MTUS2: variants seen among roughly 807,000 people sequenced by gnomAD.
The protein encoded by MTUS2 is microtubule associated scaffold protein 2.
A neutral mutation model predicts 114.1 loss-of-function variants in MTUS2; 40 were observed. That is an observed-to-expected ratio of 0.35 (90% confidence interval 0.27 to 0.46). The LOEUF is 0.46. MTUS2 is among the 20% of genes least tolerant of loss of function. The pLI is 1.00. For missense variants in MTUS2, 1,679 were observed against 1,705.4 expected (o/e 0.98, Z 0.27); for synonymous variants, 688 against 672.0 (o/e 1.02, Z -0.37).
At chr13:29,358,195 C>T (rs887981381) in intron 7 of MTUS2, among the ~76,000 whole-genome samples, 5 of 152,126 alleles carry the variant, frequency 3.3e-5, no homozygotes, top group Admixed American at 6.5e-5. Flanking sequence ...AGGGGTTCTC[C>T]GACCGCCTGC....
intron 5 of MTUS2, among the ~76,000 whole-genome samples, chr13:29,164,574 G>A (rs974788058): frequency 6.6e-6 from 1 of 152,116 alleles, no homozygotes; most frequent in Non-Finnish European, 1.5e-5. Context: ...ATAATTTGAG[G>A]TATTCTGATC....
At chr13:29,043,590 A>T (rs2475543) in intron 4 of MTUS2, among the ~76,000 whole-genome samples, 2 of 151,752 alleles carry the variant, frequency 1.3e-5, no homozygotes, top group Non-Finnish European at 2.9e-5. Flanking sequence ...TTTAGTTTTA[A>T]TAGTAATTAT....
chr13:29,069,905 A>G (rs1255970159), intron 4 of MTUS2, among the ~76,000 whole-genome samples: 2 of 152,208 alleles, frequency 1.3e-5, no homozygotes, highest in Non-Finnish European at 2.9e-5. Context: ...TGTCCTGTTT[A>G]TCATTGTATA....
chr13:29,481,371 C>G (rs928832973), intron 10 of MTUS2, among the ~76,000 whole-genome samples: 3 of 152,176 alleles, frequency 2.0e-5, no homozygotes, highest in Middle Eastern at 3.4e-3. Context: ...CCCACCACCA[C>G]CCCCGCTTCC....
intron 5 of MTUS2, among the ~76,000 whole-genome samples, chr13:29,253,812 C>T (rs1413190379): frequency 1.3e-5 from 2 of 151,018 alleles, no homozygotes; most frequent in Non-Finnish European, 2.9e-5. Flanking sequence ...TCACATCTTA[C>T]GTGGATGGCA....
At chr13:29,073,238 G>T (rs1889026274) in intron 4 of MTUS2, among the ~76,000 whole-genome samples, 1 of 152,188 alleles carries the variant, frequency 6.6e-6, no homozygotes, top group Admixed American at 6.5e-5. Flanking sequence ...GTTGTTGAAA[G>T]AAAGTCACCT....
chr13:28,855,187 G>A (rs1876544313), intron 2 of MTUS2, among the ~76,000 whole-genome samples: 1 of 148,816 alleles, frequency 6.7e-6, no homozygotes, highest in African/African-American at 2.5e-5. Flanking sequence ...TCACTGGAAG[G>A]TTTTTTTTTT....
At chr13:29,291,170 A>T (rs572834360) in intron 6 of MTUS2, among the ~76,000 whole-genome samples, 135 of 152,248 alleles carry the variant, frequency 8.9e-4, no homozygotes, top group Non-Finnish European at 1.4e-3. Flanking sequence ...AGCAAATCAC[A>T]GAGCCCGCCT....
In MTUS2 at chr13:29,323,226, G is replaced by T. The variant is rs376287470; in HGVS notation, c.2807-1387G>T. ...TAAGACGATGGTGAACTGAATTACA[G>T]TATGTCTTTGTCCATTTGTATGATG... On this transcript the variant is annotated intron_variant, in intron 6 of 15. Coordinates refer to ENST00000612955, the MANE Select transcript of MTUS2 (RefSeq NM_001033602.4). Among the ~76,000 whole-genome samples the T allele has an allele frequency of 2.4e-4, 36 of 151,482 alleles. 1 individual carries two copies. The highest frequency in any genetic ancestry group is 1.9e-3 in the East Asian group (10 of 5,154).
intron 11 of MTUS2, among the ~76,000 whole-genome samples, chr13:29,491,754 C>T (rs111067870): frequency 0.02 from 2,136 of 106,892 alleles, 47 homozygotes; most frequent in African/African-American, 0.074. Context: ...TGTGTGTGTG[C>T]GTGTGGTATG....
At chr13:28,842,385 A>T (rs1875571024) in intron 2 of MTUS2, among the ~76,000 whole-genome samples, 1 of 152,178 alleles carries the variant, frequency 6.6e-6, no homozygotes, top group Admixed American at 6.5e-5. Context: ...GACACTTTGG[A>T]TCTGATGTTT....
intron 14 of MTUS2, among the ~76,000 whole-genome samples, chr13:29,499,796 C>A (rs1882769090): frequency 6.6e-6 from 1 of 152,244 alleles, no homozygotes; most frequent in South Asian, 2.1e-4. Flanking sequence ...GTGGCCATGT[C>A]ACCTCTCTCT....
intron 7 of MTUS2, 69 bp from the exon 8 acceptor site, chr13:29,359,190 TAAG>T: frequency 7.3e-7 from 1 of 1,369,978 alleles, no homozygotes; most frequent in Non-Finnish European, 9.9e-7. Flanking sequence ...CCTTGTGTAA[TAAG>T]AAGCCGTTGT....
intron 5 of MTUS2, among the ~76,000 whole-genome samples, chr13:29,172,434 T>C (rs1028794037): frequency 3.3e-5 from 5 of 152,204 alleles, no homozygotes; most frequent in African/African-American, 1.2e-4. Flanking sequence ...AAGAAAACTT[T>C]CCCAGCAAAT....
intron 2 of MTUS2, among the ~76,000 whole-genome samples, chr13:28,895,039 C>G (rs946365062): frequency 3.3e-5 from 5 of 152,354 alleles, no homozygotes; most frequent in East Asian, 3.9e-4. Context: ...CGAAATCCAT[C>G]TGTCAGTTTT....
At chr13:29,141,624 A>G (rs1165199671) in intron 5 of MTUS2, among the ~76,000 whole-genome samples, 1 of 152,154 alleles carries the variant, frequency 6.6e-6, no homozygotes, top group Non-Finnish European at 1.5e-5. Flanking sequence ...CTTAATAAGG[A>G]TAATGTGCTA....
chr13:29,496,103 C>G lies in MTUS2; in HGVS notation c.3580-1135C>G, dbSNP rs1267038335. On this transcript the variant is annotated intron_variant, in intron 12 of 15. Coordinates refer to ENST00000612955, the MANE Select transcript of MTUS2 (RefSeq NM_001033602.4). This position sits in a 1 kb window ranked among gnomAD's most constrained non-coding sequence, Gnocchi z 4.3. ...TCTCCTTGGGCATCAGTGGTCCTTTCCCAGCCTGTGGTCCTGAGAGTCATG... is the reference window on the plus strand; with the variant it reads ...TCTCCTTGGGCATCAGTGGTCCTTTGCCAGCCTGTGGTCCTGAGAGTCATG... 6.6e-6 allele frequency among the ~76,000 whole-genome samples: 1 copy of G among 152,152 alleles called. No homozygotes were observed. Among genetic ancestry groups the G allele is most frequent in the East Asian group, 1.9e-4 (1 of 5,190 alleles).
At chr13:28,831,944 A>G (rs1405265625) in intron 1 of MTUS2, among the ~76,000 whole-genome samples, 1 of 147,394 alleles carries the variant, frequency 6.8e-6, no homozygotes, top group Admixed American at 6.8e-5. Flanking sequence ...TTTTTTTTTT[A>G]GTAGAGACAG....
At position 29,201,143 on chromosome 13, in the gene MTUS2, T is replaced by A. The variant is rs146511028; in HGVS notation, c.2645-80561T>A. Among the ~76,000 whole-genome samples, 1,094 of 152,290 alleles carry A rather than the reference T, an allele frequency of 7.2e-3. 21 individuals are homozygous for A. The highest frequency in any genetic ancestry group is 0.067 in the East Asian group (346 of 5,178). On this transcript the variant is annotated intron_variant, in intron 5 of 15. Coordinates refer to ENST00000612955, the MANE Select transcript of MTUS2 (RefSeq NM_001033602.4). ...CTCCCACTATTATTGTGTGGGAGTC[T>A]AAGTTTCTTTGTAGGTCACTAAGAA...
Sources: allele counts gnomAD v4.1 joint callset (sites outside exome capture counted in the v4.1 genomes callset), GRCh38; gene constraint gnomAD v4.1.1; non-coding constraint Gnocchi (gnomAD v3.1); transcripts MANE v1.5; gene names NCBI Gene and HGNC (gene_info 2026-07-23, HGNC 2026-07-21).